PIK3C2G: variants seen among roughly 807,000 people sequenced by gnomAD.
The protein encoded by PIK3C2G is phosphatidylinositol-4-phosphate 3-kinase catalytic subunit type 2 gamma, also known as phosphatidylinositol 3-kinase C2 domain-containing subunit gamma.
A neutral mutation model predicts 181.1 loss-of-function variants in PIK3C2G; 168 were observed. The observed-to-expected ratio is 0.93, with a 90% confidence interval of 0.82 to 1.05. The LOEUF (loss-of-function observed/expected upper bound fraction) is 1.05, where lower values mean the gene tolerates loss of function less well. PIK3C2G is among the 50% of genes least tolerant of loss of function. The pLI, the probability that PIK3C2G is intolerant of heterozygous loss-of-function variation, is 0.00. For missense variants in PIK3C2G, 1,869 were observed against 1,732.8 expected (o/e 1.08, Z -1.40); for synonymous variants, 573 against 592.2 (o/e 0.97, Z 0.47).
At chr12:18,664,762 G>T in the PIK3C2G span, among the ~76,000 whole-genome samples, 1 of 151,432 alleles carries the variant, frequency 6.6e-6, no homozygotes, top group South Asian at 2.1e-4. Context: ...CAATCCAAAT[G>T]TCCAACAATG....
At chr12:18,316,685 G>A (rs1317039115) in intron 6 of PIK3C2G, among the ~76,000 whole-genome samples, 2 of 151,892 alleles carry the variant, frequency 1.3e-5, no homozygotes, top group Admixed American at 6.6e-5. Context: ...AGCTGAGATC[G>A]CGCTACTGCA....
At position 18,647,993 on chromosome 12, in the gene PIK3C2G, G is replaced by C; in HGVS notation, c.4426G>C (p.Glu1476Gln). 3 of 1,595,990 alleles carry C rather than the reference G, an allele frequency of 1.9e-6. No homozygotes were observed. The highest frequency in any genetic ancestry group is 2.6e-6 in the Non-Finnish European group (3 of 1,169,922). The change falls in exon 33 of 33, where the codon GAA becomes CAA. Residue 1476 changes from glutamate (E) to glutamine (Q), a missense_variant. Transcript: ENST00000538779. ...IRLCSVPLDK[E>Q]KWYPLGNSII ...ACTCTGTAGTGTCCCACTCGATAAA[G>C]AAAAATGGTATCCATTAGGAAACAG...
the PIK3C2G span, among the ~76,000 whole-genome samples, chr12:18,671,994 G>A: frequency 6.6e-6 from 1 of 151,928 alleles, no homozygotes; most frequent in African/African-American, 2.4e-5. Flanking sequence ...CATACATGAG[G>A]GCTACATCAT....
At chr12:18,523,018 C>T (rs868389510) in intron 24 of PIK3C2G, among the ~76,000 whole-genome samples, 1 of 152,028 alleles carries the variant, frequency 6.6e-6, no homozygotes. Flanking sequence ...TCGATCATGT[C>T]TACTATTGAA....
In PIK3C2G at chr12:18,609,535, G is replaced by A; in HGVS notation, c.4088G>A (p.Gly1363Asp). The A allele has an allele frequency of 2.6e-6, 4 of 1,562,578 alleles. No individual in the cohort carries two copies. The highest frequency in any genetic ancestry group is 3.5e-6 in the Non-Finnish European group (4 of 1,146,720). ...CACTGAAATTCTATTCTTTTATCAG[G>A]TGAGAAGTTTCCAGACAAGAAGCCT... ...TVEESSPVYLGEKFPDKKPKV... is the reference protein window; with the variant it reads ...TVEESSPVYLDEKFPDKKPKV... Residue 1363 changes from glycine to aspartate, a missense_variant and splice_region_variant, in exon 31 of 33, where the codon GGT becomes GAT. Physicochemically the swap from Gly to Asp is moderately conservative, Grantham distance 94. Coordinates refer to ENST00000538779, the MANE Select transcript of PIK3C2G (RefSeq NM_001288772.2).
At chr12:18,565,555 C>A (rs1042791755) in intron 28 of PIK3C2G, among the ~76,000 whole-genome samples, 1 of 152,032 alleles carries the variant, frequency 6.6e-6, no homozygotes, top group Non-Finnish European at 1.5e-5. Flanking sequence ...CAAATCAAAT[C>A]TTTGTCAGAT....
At chr12:18,244,221 T>C (rs532847249), upstream of PIK3C2G, among the ~76,000 whole-genome samples, 2 of 152,042 alleles carry the variant, frequency 1.3e-5, no homozygotes, top group Admixed American at 6.6e-5. Flanking sequence ...TGTAACAGGA[T>C]AGAAATCTAA....
chr12:18,292,892 A>C (rs1949773962), intron 4 of PIK3C2G, among the ~76,000 whole-genome samples: 1 of 152,188 alleles, frequency 6.6e-6, no homozygotes, highest in Admixed American at 6.5e-5. Context: ...TACAGTCATT[A>C]AGGGCACAGG....
chr12:18,490,772 G>A (rs879771641), intron 19 of PIK3C2G, among the ~76,000 whole-genome samples: 12 of 152,084 alleles, frequency 7.9e-5, no homozygotes, highest in Non-Finnish European at 1.8e-4. Context: ...ACTAAAAGAA[G>A]CTTTGTTTGT....
intron 11 of PIK3C2G, among the ~76,000 whole-genome samples, chr12:18,347,982 C>A (rs572712620): frequency 6.2e-4 from 94 of 151,882 alleles, no homozygotes; most frequent in Non-Finnish European, 1.1e-3. Flanking sequence ...TATTTTTATT[C>A]TTTTTCCTTT....
chr12:18,245,824 AT>A (rs1318077302), upstream of PIK3C2G, among the ~76,000 whole-genome samples: 2 of 151,960 alleles, frequency 1.3e-5, no homozygotes, highest in Non-Finnish European at 2.9e-5. Flanking sequence ...TCATTACCAT[AT>A]TTTTTTATTT....
chr12:18,313,155 T>G (rs753441217), intron 5 of PIK3C2G, among the ~76,000 whole-genome samples: 3 of 152,162 alleles, frequency 2.0e-5, no homozygotes, highest in Non-Finnish European at 4.4e-5. Flanking sequence ...TAAAGGGACT[T>G]ATATAGTAGA....
At chr12:18,650,700 G>GTA (rs1950438410), downstream of PIK3C2G, among the ~76,000 whole-genome samples, 3 of 43,840 alleles carry the variant, frequency 6.8e-5, no homozygotes, top group African/African-American at 9.2e-5. Flanking sequence ...GTGTGTGTGT[G>GTA]TGTGTATATA....
chr12:18,389,357 A>G (rs552984333), intron 14 of PIK3C2G, among the ~76,000 whole-genome samples: 1 of 151,926 alleles, frequency 6.6e-6, no homozygotes, highest in Non-Finnish European at 1.5e-5. Context: ...CATCTCAAAA[A>G]AAAAAAAAAG....
chr12:18,273,520 G>A (rs984991626), intron 1 of PIK3C2G, among the ~76,000 whole-genome samples: 1 of 152,114 alleles, frequency 6.6e-6, no homozygotes, highest in Admixed American at 6.6e-5. Flanking sequence ...AAAGTCATTG[G>A]TAGCTTGATG....
the PIK3C2G span, among the ~76,000 whole-genome samples, chr12:18,702,089 C>A: frequency 6.6e-6 from 1 of 152,006 alleles, no homozygotes; most frequent in African/African-American, 2.4e-5. Context: ...TATATAAATA[C>A]TTACCATGAT....
At chr12:18,620,857 G>A (rs1948829985) in intron 31 of PIK3C2G, among the ~76,000 whole-genome samples, 1 of 151,840 alleles carries the variant, frequency 6.6e-6, no homozygotes, top group Admixed American at 6.6e-5. Context: ...TTCATTCTCA[G>A]GTTATTGACA....
At chr12:18,549,035 G>A (rs1050549812) in intron 26 of PIK3C2G, among the ~76,000 whole-genome samples, 2 of 151,920 alleles carry the variant, frequency 1.3e-5, no homozygotes, top group South Asian at 2.1e-4. Flanking sequence ...TAAAATTTCT[G>A]GAATACAGGA....
intron 3 of PIK3C2G, among the ~76,000 whole-genome samples, chr12:18,287,213 T>A (rs1455680570): frequency 6.6e-6 from 1 of 152,084 alleles, no homozygotes; most frequent in Non-Finnish European, 1.5e-5. Context: ...TGGTTTGCAG[T>A]GAATTTTTTT....
Sources: allele counts gnomAD v4.1 joint callset (sites outside exome capture counted in the v4.1 genomes callset), GRCh38; gene constraint gnomAD v4.1.1; transcripts MANE v1.5; gene names NCBI Gene and HGNC (gene_info 2026-07-23, HGNC 2026-07-21).